BDH2: variants seen among roughly 807,000 people sequenced by gnomAD.
BDH2 encodes 3-hydroxybutyrate dehydrogenase 2.
Under a neutral mutation model 33.2 loss-of-function variants are expected in BDH2, and 24 were observed. That is an observed-to-expected ratio of 0.72 (90% CI 0.52 to 1.02). The LOEUF is 1.02. BDH2 is among the 50% of genes least tolerant of loss of function. The pLI is 0.00. For synonymous variants in BDH2, 81 were observed against 101.6 expected, an observed-to-expected ratio of 0.80 and a Z score of 1.22; for missense variants, 249 against 301.6, an observed-to-expected ratio of 0.83 and a Z score of 1.29.
At chr4:103,085,155 G>C (rs1747715726) in intron 7 of BDH2, among the ~76,000 whole-genome samples, 194 bp downstream of exon 7, 1 of 152,134 alleles carries the variant, frequency 6.6e-6, no homozygotes, top group Admixed American at 6.5e-5. Flanking sequence ...TTGTATGAGG[G>C]ATCGGCACAC....
chr4:103,092,152 G>C (rs1009965074), intron 4 of BDH2, among the ~76,000 whole-genome samples: 3 of 152,154 alleles, frequency 2.0e-5, no homozygotes, highest in Non-Finnish European at 4.4e-5. Flanking sequence ...CAGAATGTCA[G>C]TTTCATGACA....
chr4:103,093,267 C>T (rs1748200708), intron 3 of BDH2, among the ~76,000 whole-genome samples: 1 of 152,098 alleles, frequency 6.6e-6, no homozygotes, highest in Non-Finnish European at 1.5e-5. Flanking sequence ...GAGACTGTTT[C>T]TATTTGTGAG....
At position 103,096,560 on chromosome 4, in the gene BDH2, G is replaced by T. The variant is rs139184822; in HGVS notation, c.-20-286C>A. On this transcript the variant is annotated intron_variant, in intron 1 of 9. Transcript: ENST00000296424. Reference sequence around the variant, plus strand: ...TTTTTTTTTTTTTTTTTTTTTATGAGATGGAGTTTCACTCTTGTCACCCAG... The same window carrying T: ...TTTTTTTTTTTTTTTTTTTTTATGATATGGAGTTTCACTCTTGTCACCCAG... 2.6e-3 allele frequency among the ~76,000 whole-genome samples: 331 copies of T among 129,458 alleles called. 1 individual carries two copies. The highest frequency in any genetic ancestry group is 9.0e-3 in the Middle Eastern group (2 of 222). 84.9% of individuals were successfully genotyped at this position (129,458 alleles called of 152,430 possible). A position where few individuals can be genotyped will look rare whatever the true frequency, so the allele number is the denominator to read the frequency against.
At position 103,078,173 on chromosome 4, in the gene BDH2, C is replaced by A. The variant is rs1331528304; in HGVS notation, c.*1529G>T. 7.2e-5 allele frequency among the ~76,000 whole-genome samples: 11 copies of A among 152,136 alleles called. No individual in the cohort carries two copies. Among genetic ancestry groups the A allele is most frequent in the Admixed American group, 7.2e-4 (11 of 15,272 alleles). On this transcript the variant is annotated 3_prime_UTR_variant, in exon 10 of 10. Coordinates refer to ENST00000296424, the MANE Select transcript of BDH2 (RefSeq NM_020139.4). ...ATTTGAGGTTGCAACAAGTAAAAAA[C>A]AAACATAAAACCCTTAAATTAAAAT...
chr4:103,080,564 A>G (rs991428507), intron 9 of BDH2, among the ~76,000 whole-genome samples: 10 of 152,266 alleles, frequency 6.6e-5, no homozygotes, highest in Non-Finnish European at 1.3e-4. Context: ...AGTTCAATAG[A>G]TAAAAGCTGA....
chr4:103,082,954 T>G (rs1259933432), intron 7 of BDH2, 25 bp from the exon 8 acceptor site: 1 of 1,594,736 alleles, frequency 6.3e-7, no homozygotes, highest in Non-Finnish European at 8.6e-7. Context: ...GATATTCAGC[T>G]TGGTTACTCA....
At chr4:103,094,887 G>T (rs1241762070) in intron 3 of BDH2, among the ~76,000 whole-genome samples, 2 of 152,134 alleles carry the variant, frequency 1.3e-5, no homozygotes, top group Admixed American at 6.5e-5. Context: ...GGGCACAGAA[G>T]TGAAAAGCTG....
chr4:103,085,339 C>T lies in BDH2; in HGVS notation c.532+10G>A, dbSNP rs201482204. On this transcript the variant is annotated intron_variant, in intron 7 of 9. Transcript: ENST00000296424. Reference sequence around the variant, plus strand: ...AAACTTTGCTTACAAAACAGGTGTGCCTTACTCACCTGGGCACACACAGTT... The same window carrying T: ...AAACTTTGCTTACAAAACAGGTGTGTCTTACTCACCTGGGCACACACAGTT... 5.0e-4 allele frequency: 801 copies of T among 1,600,208 alleles called. No homozygotes were observed. Among genetic ancestry groups the T allele is most frequent in the African/African-American group, 4.6e-3 (344 of 74,718 alleles).
Position 103,082,943 on chromosome 4 carries a change from G to T in BDH2, c.533-14C>A. 6.2e-7 allele frequency: 1 copy of T among 1,608,184 alleles called. No individual in the cohort carries two copies. The stretch of plus-strand genomic sequence containing the variant: ...TATCAACTGTTCCTAAATCAAAGGG[G>T]GATATTCAGCTTGGTTACTCACTTT... On this transcript the variant is annotated splice_polypyrimidine_tract_variant and intron_variant, in intron 7 of 9. Coordinates refer to ENST00000296424, the MANE Select transcript of BDH2 (RefSeq NM_020139.4).
At chr4:103,085,565 CT>C (rs1384431770) in intron 6 of BDH2, 103 bp from the exon 7 acceptor site, 1 of 1,416,510 alleles carries the variant, frequency 7.1e-7, no homozygotes, top group Non-Finnish European at 9.6e-7. Context: ...TTCATGCTTT[CT>C]CCCACATTCC....
chr4:103,096,733 C>T (rs1748428871), intron 1 of BDH2, among the ~76,000 whole-genome samples: 1 of 151,776 alleles, frequency 6.6e-6, no homozygotes. Context: ...TAGAGACGGG[C>T]TTTCACCATG....
chr4:103,092,418 TA>T, intron 4 of BDH2, 181 bp downstream of exon 4: 1 of 596,502 alleles, frequency 1.7e-6, no homozygotes, highest in East Asian at 2.9e-5. Context: ...TGTCAAACTC[TA>T]AGGCTGTCTT....
intron 5 of BDH2, among the ~76,000 whole-genome samples, chr4:103,089,113 C>T (rs1248229784): frequency 3.3e-5 from 5 of 152,146 alleles, no homozygotes; most frequent in Admixed American, 1.3e-4. Context: ...TATGAGTGTT[C>T]CTATGTTCTG....
intron 9 of BDH2, among the ~76,000 whole-genome samples, chr4:103,080,554 A>G (rs1747458313): frequency 6.6e-6 from 1 of 152,258 alleles, no homozygotes; most frequent in Non-Finnish European, 1.5e-5. Context: ...AAATTTTAAG[A>G]GTTCAATAGA....
intron 5 of BDH2, 76 bp downstream of exon 5, chr4:103,091,101 G>A: frequency 1.2e-6 from 1 of 841,462 alleles, no homozygotes; most frequent in Non-Finnish European, 2.0e-6. Flanking sequence ...TTCAGCACAT[G>A]TGGGAATCCC....
At position 103,082,165 on chromosome 4, in the gene BDH2, A is replaced by T. The variant is rs368156372; in HGVS notation, c.600T>A (p.Asn200Lys). 1.6e-5 allele frequency: 26 copies of T among 1,613,832 alleles called. No individual in the cohort carries two copies. Among genetic ancestry groups the T allele is most frequent in the Non-Finnish European group, 2.1e-5 (25 of 1,179,846 alleles). ...CCGTCTTTTGTCTCTTCAGGAAATC[A>T]TTCCGTGCCTGTGACCAGAGACCAT... ...QARGNPEEAR[N>K]DFLKRQKTGR... Residue 200 changes from asparagine (N) to lysine (K), a missense_variant, in exon 9 of 10, where the codon AAT becomes AAA. Physicochemically the swap from Asn to Lys is moderately conservative, Grantham distance 94. Transcript: ENST00000296424.
chr4:103,085,599 T>C, intron 6 of BDH2, 137 bp from the exon 7 acceptor site: 1 of 1,449,444 alleles, frequency 6.9e-7, no homozygotes, highest in South Asian at 1.3e-5. Context: ...AAGATTGATA[T>C]CAGATTTTTT....
intron 1 of BDH2, chr4:103,099,330 G>A (rs1323603920): frequency 1.3e-5 from 2 of 152,126 alleles, no homozygotes; most frequent in African/African-American, 2.4e-5. Flanking sequence ...TGGGGTCAAA[G>A]CCTTAACATT....
chr4:103,091,320 C>T, intron 4 of BDH2, 35 bp from the exon 5 acceptor site: 1 of 1,445,474 alleles, frequency 6.9e-7, no homozygotes, highest in Non-Finnish European at 9.7e-7. Flanking sequence ...AGAATAACTG[C>T]CATTAAAATT....
Sources: gnomAD v4.1 joint callset for allele counts (sites outside exome capture counted in the v4.1 genomes callset) on GRCh38, gnomAD v4.1.1 for gene constraint, MANE v1.5 for transcripts, NCBI Gene and HGNC (gene_info 2026-07-23, HGNC 2026-07-21) for gene names.